CCDC122: variants seen among roughly 807,000 people sequenced by gnomAD.
The protein encoded by CCDC122 is coiled-coil domain containing 122.
Under a neutral mutation model 37.0 loss-of-function variants are expected in CCDC122, and 38 were observed. The ratio of observed to expected loss-of-function variants is 1.03; its 90% CI spans 0.79 to 1.35. The LOEUF is 1.35. CCDC122 is among the 40% of genes most tolerant of loss of function. The pLI, the probability that CCDC122 is intolerant of heterozygous loss-of-function variation, is 0.00. For missense variants in CCDC122, 305 were observed against 310.0 expected (o/e 0.98, Z 0.12); for synonymous variants, 83 against 95.6 (o/e 0.87, Z 0.77).
intron 6 of CCDC122, among the ~76,000 whole-genome samples, chr13:43,857,855 A>C (rs1953972698): frequency 6.6e-6 from 1 of 152,180 alleles, no homozygotes; most frequent in African/African-American, 2.4e-5. Flanking sequence ...GTGAGCTGAG[A>C]TCGCACCACT....
intron 4 of CCDC122, among the ~76,000 whole-genome samples, chr13:43,865,448 T>C (rs1417241301): frequency 6.6e-6 from 1 of 152,188 alleles, no homozygotes; most frequent in African/African-American, 2.4e-5. Context: ...AGTACTGAAC[T>C]CTATATACAC....
chr13:43,834,642 G>A (rs562150987), downstream of CCDC122, among the ~76,000 whole-genome samples: 2 of 152,142 alleles, frequency 1.3e-5, no homozygotes, highest in Non-Finnish European at 2.9e-5. Flanking sequence ...ATTGAAAAGT[G>A]GGCAAAGGAT....
intron 1 of CCDC122, among the ~76,000 whole-genome samples, chr13:43,875,150 C>T (rs1197573124): frequency 2.0e-5 from 3 of 152,144 alleles, no homozygotes; most frequent in African/African-American, 7.2e-5. Flanking sequence ...TAAAGGATGT[C>T]CAGGCAACTG....
chr13:43,837,540 C>A, intron 6 of CCDC122, 111 bp from the exon 7 acceptor site: 1 of 819,430 alleles, frequency 1.2e-6, no homozygotes, highest in East Asian at 2.8e-5. Context: ...AGAAACTATC[C>A]ACTATAAATA....
At chr13:43,827,156 A>G (rs1002257995) in intron 3 of CCDC122, among the ~76,000 whole-genome samples, 5 of 152,188 alleles carry the variant, frequency 3.3e-5, no homozygotes, top group African/African-American at 1.2e-4. Context: ...ACACAAAAGC[A>G]TATTTCTTGT....
downstream of CCDC122, among the ~76,000 whole-genome samples, chr13:43,822,819 G>A (rs766797049): frequency 1.6e-4 from 25 of 152,146 alleles, no homozygotes; most frequent in African/African-American, 4.8e-5. Context: ...TTCCAGGCCT[G>A]AGACTCACCC....
intron 2 of CCDC122, among the ~76,000 whole-genome samples, chr13:43,871,103 C>G (rs1954435296): frequency 6.6e-6 from 1 of 152,110 alleles, no homozygotes; most frequent in African/African-American, 2.4e-5. Flanking sequence ...GTTGAAAATA[C>G]TCATGGATAA....
At chr13:43,865,053 T>C (rs894976202) in intron 4 of CCDC122, among the ~76,000 whole-genome samples, 1 of 152,110 alleles carries the variant, frequency 6.6e-6, no homozygotes, top group African/African-American at 2.4e-5. Context: ...AGAGACAGCA[T>C]AGAAGCTCCT....
chr13:43,833,788 G>C (rs1953112838), downstream of CCDC122, among the ~76,000 whole-genome samples: 2 of 151,992 alleles, frequency 1.3e-5, no homozygotes, highest in Non-Finnish European at 2.9e-5. Context: ...AAGTCCACCA[G>C]GTACTTAGAA....
chr13:43,857,368 G>T (rs1390847819), intron 6 of CCDC122, among the ~76,000 whole-genome samples: 6 of 151,752 alleles, frequency 4.0e-5, no homozygotes, highest in Non-Finnish European at 7.4e-5. Flanking sequence ...AGAATTTATG[G>T]AGTGTTTTTC....
intron 4 of CCDC122, among the ~76,000 whole-genome samples, chr13:43,865,698 C>T (rs1371465930): frequency 6.6e-6 from 1 of 152,136 alleles, no homozygotes; most frequent in East Asian, 1.9e-4. Flanking sequence ...CTCCCGACCT[C>T]AAGTTATCCA....
intron 4 of CCDC122, among the ~76,000 whole-genome samples, chr13:43,868,262 T>C (rs761064663): frequency 9.2e-5 from 14 of 152,048 alleles, no homozygotes; most frequent in Non-Finnish European, 1.8e-4. Flanking sequence ...GCTCCCAAAT[T>C]CCCTGCAGTA....
At chr13:43,828,588 ACAC>A (rs1953061258) in intron 3 of CCDC122, among the ~76,000 whole-genome samples, 1 of 144,166 alleles carries the variant, frequency 6.9e-6, no homozygotes, top group Non-Finnish European at 1.5e-5. Flanking sequence ...ACACACACAC[ACAC>A]ACACACACGT....
At chr13:43,826,544 C>G (rs949412571) in intron 3 of CCDC122, among the ~76,000 whole-genome samples, 1 of 152,054 alleles carries the variant, frequency 6.6e-6, no homozygotes, top group Non-Finnish European at 1.5e-5. Context: ...AATGAAAGCT[C>G]AAAACTCCCT....
At chr13:43,868,637 T>C in intron 4 of CCDC122, 57 bp downstream of exon 4, 2 of 854,576 alleles carry the variant, frequency 2.3e-6, no homozygotes, top group Non-Finnish European at 3.5e-6. Flanking sequence ...AATAATCTCC[T>C]GGTCATTTAC....
intron 2 of CCDC122, among the ~76,000 whole-genome samples, chr13:43,871,121 T>C (rs1001772969): frequency 1.3e-5 from 2 of 152,162 alleles, no homozygotes; most frequent in Non-Finnish European, 2.9e-5. Context: ...TAAGTGGACC[T>C]GCACAGTTCA....
rs1340796227 is a variant in CCDC122 at position 43,868,648 on chromosome 13, T to C, written c.156+46A>G. The C allele has an allele frequency of 4.0e-6, 4 of 1,011,760 alleles. No individual in the cohort carries two copies. In the African/African-American group the frequency reaches 5.1e-5, roughly 13 times the overall value. The allele number at this position is 1,011,760 out of a possible 1,614,324, so 62.7% of individuals were successfully genotyped here. On this transcript the variant is annotated intron_variant, in intron 4 of 6. Transcript: ENST00000444614. ...TTTTAATAATCTCCTGGTCATTTAC[T>C]TTTGAAGAAAGTAAAGACATTTAAA...
chr13:43,856,772 A>C (rs1315137353), intron 6 of CCDC122: 1 of 152,206 alleles, frequency 6.6e-6, no homozygotes, highest in Non-Finnish European at 1.5e-5. Context: ...AAATCAGAAT[A>C]GTGGCTATTT....
At chr13:43,820,376 C>T (rs753541730), downstream of CCDC122, among the ~76,000 whole-genome samples, 3 of 151,940 alleles carry the variant, frequency 2.0e-5, no homozygotes, top group South Asian at 4.1e-4. Context: ...AGGTCTAAGG[C>T]GGGGAATATA....
Sources: allele counts gnomAD v4.1 joint callset (sites outside exome capture counted in the v4.1 genomes callset), GRCh38; gene constraint gnomAD v4.1.1; transcripts MANE v1.5; gene names NCBI Gene and HGNC (gene_info 2026-07-23, HGNC 2026-07-21).